Variants in HMSD observed in about 807,000 individuals in gnomAD.
The protein encoded by HMSD is serpin-like protein HMSD.
A neutral mutation model predicts 10.0 loss-of-function variants in HMSD; 13 were observed. The observed-to-expected ratio is 1.31, with a 90% CI of 0.85 to 2.08. HMSD has a LOEUF of 2.08. Ranked by LOEUF, HMSD falls within the 30% of genes most tolerant of loss-of-function variation. The pLI is 0.00. For synonymous variants in HMSD, 51 were observed against 54.2 expected, an observed-to-expected ratio of 0.94 and a Z score of 0.26; for missense variants, 169 against 166.3, an observed-to-expected ratio of 1.02 and a Z score of -0.09.
intron 3 of HMSD, among the ~76,000 whole-genome samples, chr18:63,959,925 A>G (rs2050377307): frequency 1.3e-5 from 2 of 152,210 alleles, no homozygotes; most frequent in African/African-American, 2.4e-5. Context: ...TGAAGGATCC[A>G]GCAGTTGATG....
At chr18:63,951,338 G>A (rs1008803079) in intron 1 of HMSD, among the ~76,000 whole-genome samples, 1 of 152,172 alleles carries the variant, frequency 6.6e-6, no homozygotes, top group Admixed American at 6.5e-5. Context: ...GAAATTAATT[G>A]ATCATTGACT....
At chr18:63,963,345 C>A, downstream of HMSD, among the ~76,000 whole-genome samples, 1 of 151,836 alleles carries the variant, frequency 6.6e-6, no homozygotes, top group East Asian at 1.9e-4. Context: ...CAGCTCATTG[C>A]AACCTCCACC....
downstream of HMSD, among the ~76,000 whole-genome samples, chr18:63,963,196 C>T (rs1266432588): frequency 7.3e-6 from 1 of 136,620 alleles, no homozygotes; most frequent in Non-Finnish European, 1.5e-5. Flanking sequence ...TCATTGCTTC[C>T]TTCCTTGCTT....
At position 63,960,240 on chromosome 18, in the gene HMSD, C is replaced by T. The variant is rs780887128; in HGVS notation, c.305C>T (p.Thr102Ile). 8 of 1,613,374 alleles carry T rather than the reference C, an allele frequency of 5.0e-6. No individual in the cohort carries two copies. In the East Asian group the frequency reaches 1.6e-4, roughly 31 times the overall value. Residue 102 changes from threonine to isoleucine, a missense_variant, in exon 4 of 4, where the codon ACA becomes ATA. By Grantham distance (89) the Thr-to-Ile change is moderately conservative. Transcript: ENST00000408945. ...GTGAATGATACAGAGAAGTCCACAA[C>T]ACGTGTAAACTCCTGGGTTGCTGAT... ...DFVNDTEKST[T>I]RVNSWVADKT...
intron 3 of HMSD, among the ~76,000 whole-genome samples, chr18:63,967,778 A>G (rs1301933693): frequency 6.6e-6 from 1 of 152,120 alleles, no homozygotes; most frequent in Non-Finnish European, 1.5e-5. Flanking sequence ...GAGGCACTGA[A>G]TTATATACTC....
downstream of HMSD, among the ~76,000 whole-genome samples, chr18:63,964,986 A>AT (rs1459650410): frequency 2.6e-5 from 4 of 152,156 alleles, no homozygotes; most frequent in African/African-American, 9.7e-5. Flanking sequence ...CCATTACAGT[A>AT]TTTTTAAAAA....
intron 1 of HMSD, among the ~76,000 whole-genome samples, chr18:63,952,665 C>A (rs1332050831): frequency 1.3e-5 from 2 of 152,138 alleles, no homozygotes; most frequent in East Asian, 3.8e-4. Context: ...ATATAAAGTG[C>A]TTCAGTAGTC....
chr18:63,963,211 CCTTCCTTCCTTCCTTG>C (rs1264034250), downstream of HMSD, among the ~76,000 whole-genome samples: 7 of 73,790 alleles, frequency 9.5e-5, no homozygotes, highest in African/African-American at 8.9e-4. Context: ...TTGCTTCCTT[CCTTCCTTCCTTCCTTG>C]CTTCCTTCCT....
chr18:63,959,851 A>G (rs1040108970), intron 3 of HMSD, among the ~76,000 whole-genome samples: 10 of 152,032 alleles, frequency 6.6e-5, no homozygotes, highest in African/African-American at 9.7e-5. Flanking sequence ...AAGGATTTCT[A>G]TGTCTTCTTG....
At chr18:63,949,925 G>GA (rs1483054441) in intron 1 of HMSD, among the ~76,000 whole-genome samples, 5 of 152,066 alleles carry the variant, frequency 3.3e-5, no homozygotes, top group Admixed American at 1.3e-4. Flanking sequence ...TTTTGGACTG[G>GA]AAAAAAATCA....
chr18:63,967,528 T>C (rs1568262458), intron 3 of HMSD, among the ~76,000 whole-genome samples: 1 of 152,210 alleles, frequency 6.6e-6, no homozygotes, highest in African/African-American at 2.4e-5. Flanking sequence ...ATGCCTGGAC[T>C]CTACTTCCTT....
rs763547452 is a variant in HMSD, at chr18:63,954,445, A to C, written c.110A>C (p.Asp37Ala). 6.2e-7 allele frequency: 1 copy of C among 1,611,134 alleles called. No homozygotes were observed. The highest frequency in any genetic ancestry group is 8.5e-7 in the Non-Finnish European group (1 of 1,179,194). ...CFSKIGGEDG[D>A]IHRGFQSLLV... is the part of the protein sequence containing the mutation. ...AGTAAAATCGGAGGTGAAGATGGAGATATTCATCGAGGTTTTCAGTCACTT... is the reference window on the plus strand; with the variant it reads ...AGTAAAATCGGAGGTGAAGATGGAGCTATTCATCGAGGTTTTCAGTCACTT... Residue 37 changes from aspartate (D) to alanine (A), a missense_variant, in exon 3 of 4, where the codon GAT becomes GCT. Transcript: ENST00000408945.
intron 3 of HMSD, among the ~76,000 whole-genome samples, chr18:63,969,078 A>G (rs1256036805): frequency 2.0e-5 from 3 of 152,206 alleles, no homozygotes; most frequent in Non-Finnish European, 4.4e-5. Flanking sequence ...AGCTTCCTGC[A>G]GGAGACATTA....
chr18:63,966,716 A>G (rs2050411140), downstream of HMSD: 3 of 152,326 alleles, frequency 2.0e-5, no homozygotes, highest in South Asian at 6.2e-4. Flanking sequence ...ACACTGTCCA[A>G]TTGTCTTGTG....
chr18:63,954,547 A>T lies in HMSD; in HGVS notation c.212A>T (p.Asp71Val). Residue 71 changes from aspartate to valine, a missense_variant, in exon 3 of 4, where the codon GAT (aspartate) becomes GTT (valine). Asp to Val is a radical substitution (Grantham distance 152). Coordinates refer to ENST00000408945, the MANE Select transcript of HMSD (RefSeq NM_001123366.2). ...ANGLFGEKSY[D>V]FLTGFTDSCG... ...GGGCTCTTTGGAGAAAAGTCTTATG[A>T]TTTCCTCACAGTAAGTCATACTTGT... The T allele has an allele frequency of 6.2e-7, 1 of 1,611,316 alleles. No individual in the cohort carries two copies. Among genetic ancestry groups the T allele is most frequent in the Admixed American group, 1.7e-5 (1 of 59,808 alleles).
intron 3 of HMSD, among the ~76,000 whole-genome samples, chr18:63,959,903 C>T (rs116107185): frequency 9.4e-4 from 143 of 152,196 alleles, no homozygotes; most frequent in African/African-American, 3.3e-3. Flanking sequence ...GATGGGTGTA[C>T]TGCCACTCTC....
chr18:63,966,953 A>C (rs2050412254), intron 3 of HMSD: 1 of 152,244 alleles, frequency 6.6e-6, no homozygotes, highest in Non-Finnish European at 1.5e-5. Flanking sequence ...CTCTAGCATT[A>C]ATTAGCTGAA....
chr18:63,962,163 T>G (rs9949621), downstream of HMSD, among the ~76,000 whole-genome samples: 53,840 of 152,046 alleles, frequency 0.35, 10,886 homozygotes, highest in African/African-American at 0.56. Flanking sequence ...TAATCCTTAG[T>G]GATAATAAAC....
chr18:63,952,986 T>C (rs1181294148), intron 1 of HMSD, among the ~76,000 whole-genome samples: 1 of 152,238 alleles, frequency 6.6e-6, no homozygotes, highest in Non-Finnish European at 1.5e-5. Flanking sequence ...TTTCTTGCTT[T>C]CTGCTGCTGC....
Sources: gnomAD v4.1 joint callset for allele counts (sites outside exome capture counted in the v4.1 genomes callset) on GRCh38, gnomAD v4.1.1 for gene constraint, MANE v1.5 for transcripts, NCBI Gene and HGNC (gene_info 2026-07-23, HGNC 2026-07-21) for gene names.